TRIM62: variants seen among roughly 807,000 people sequenced by gnomAD.
TRIM62 encodes the protein E3 ubiquitin-protein ligase TRIM62.
Under a neutral mutation model 44.2 loss-of-function variants are expected in TRIM62, and 39 were observed. That is an observed-to-expected ratio of 0.88 (90% CI 0.68 to 1.15). The LOEUF (loss-of-function observed/expected upper bound fraction) is 1.15. Among genes scored for constraint, TRIM62 ranks in the 50% most tolerant of loss-of-function variants. The pLI is 0.00. For missense variants in TRIM62, 544 were observed against 665.5 expected, an observed-to-expected ratio of 0.82 and a Z score of 2.01; for synonymous variants, 278 against 292.3, an observed-to-expected ratio of 0.95 and a Z score of 0.50.
At chr1:33,152,917 A>G (rs1011434823) in intron 4 of TRIM62, among the ~76,000 whole-genome samples, 1 of 152,046 alleles carries the variant, frequency 6.6e-6, no homozygotes, top group Non-Finnish European at 1.5e-5. Context: ...CCTTGGGACA[A>G]TGGGCTGCCT....
At position 33,168,585 on chromosome 1, in the gene TRIM62, G is replaced by A. The variant is rs747463109; in HGVS notation, c.409-3019C>T. 1.8e-4 allele frequency among the ~76,000 whole-genome samples: 28 copies of A among 152,198 alleles called. No individual in the cohort carries two copies. In the South Asian group the frequency reaches 1.9e-3, roughly 10 times the overall value. On this transcript the variant is annotated intron_variant, in intron 1 of 4. Coordinates refer to ENST00000291416, the MANE Select transcript of TRIM62 (RefSeq NM_018207.3). The stretch of plus-strand genomic sequence containing the variant: ...TTTCCTAGAGACTTGTCTTACATGA[G>A]AGAGAAACGCACCCCATCTGACTGC...
rs1161556069 is a variant in TRIM62, at chr1:33,145,883, T to G, written c.*1294A>C. The G allele has an allele frequency of 4.2e-6, 2 of 471,058 alleles. No individual in the cohort carries two copies. Among genetic ancestry groups the G allele is most frequent in the East Asian group, 6.9e-5 (1 of 14,402 alleles). The allele number at this position is 471,058 out of a possible 1,614,324, so 29.2% of individuals were successfully genotyped here. A position where few individuals can be genotyped will look rare whatever the true frequency, so the allele number is the denominator to read the frequency against. ...TCTAGGGAAATGACATTTCCCAGACTCCCTTGCAGCCAAGGTTCTGGATCT... is the reference window on the plus strand; with the variant it reads ...TCTAGGGAAATGACATTTCCCAGACGCCCTTGCAGCCAAGGTTCTGGATCT... On this transcript the variant is annotated 3_prime_UTR_variant, in exon 5 of 5. Coordinates refer to ENST00000291416, the MANE Select transcript of TRIM62 (RefSeq NM_018207.3).
In TRIM62 at chr1:33,159,545, T is replaced by C; in HGVS notation, c.761+143A>G. The C allele has an allele frequency of 1.6e-6, 2 of 1,240,864 alleles. No individual in the cohort carries two copies. The highest frequency in any genetic ancestry group is 1.1e-6 in the Non-Finnish European group (1 of 919,496). The allele number at this position is 1,240,864 out of a possible 1,614,324, so 76.9% of individuals were successfully genotyped here. ...ACTCAAGGCTTCATGCTCCTACCCATAGCAGATGTCCCGTAAATGTTTGAT... is the reference window on the plus strand; with the variant it reads ...ACTCAAGGCTTCATGCTCCTACCCACAGCAGATGTCCCGTAAATGTTTGAT... On this transcript the variant is annotated intron_variant, in intron 3 of 4. Transcript: ENST00000291416. This position sits in a 1 kb window ranked among gnomAD's most constrained non-coding sequence, Gnocchi z 4.2.
At chr1:33,157,385 T>G (rs1448081405) in intron 4 of TRIM62, among the ~76,000 whole-genome samples, 2 of 152,152 alleles carry the variant, frequency 1.3e-5, no homozygotes, top group Non-Finnish European at 2.9e-5. Context: ...CCTACGTGGC[T>G]CACTCTTCTT....
At position 33,165,445 on chromosome 1, in the gene TRIM62, C is replaced by T; in HGVS notation, c.504+26G>A. 5 of 1,558,274 alleles carry T rather than the reference C, an allele frequency of 3.2e-6. No individual in the cohort carries two copies. The highest frequency in any genetic ancestry group is 4.3e-6 in the Non-Finnish European group (5 of 1,149,964). ...GCCCTGCCCTCATCTCTGCCGGCCC[C>T]ACCTCCGCGCCCCGGCCAGGCTCAC... On this transcript the variant is annotated intron_variant, in intron 2 of 4. Coordinates refer to ENST00000291416, the MANE Select transcript of TRIM62 (RefSeq NM_018207.3). This position sits in a 1 kb window ranked among gnomAD's most constrained non-coding sequence, Gnocchi z 4.0.
At chr1:33,156,023 C>A (rs576186848) in intron 4 of TRIM62, among the ~76,000 whole-genome samples, 1 of 152,220 alleles carries the variant, frequency 6.6e-6, no homozygotes, top group Non-Finnish European at 1.5e-5. Flanking sequence ...GCCCCACTGG[C>A]TTTGGTGCCC....
chr1:33,174,945 GTATATATATATA>G (rs72310095), intron 1 of TRIM62, among the ~76,000 whole-genome samples: 2 of 141,728 alleles, frequency 1.4e-5, no homozygotes, highest in Non-Finnish European at 3.0e-5. Flanking sequence ...ATATATGTGT[GTATATATATATA>G]TATATATATA....
At chr1:33,179,306 G>T (rs886394522) in intron 1 of TRIM62, among the ~76,000 whole-genome samples, 1 of 152,190 alleles carries the variant, frequency 6.6e-6, no homozygotes. Flanking sequence ...AGACTGGAAG[G>T]GAGTCAGTTG....
At chr1:33,160,437 T>G (rs1007481437) in intron 2 of TRIM62, among the ~76,000 whole-genome samples, 4 of 151,990 alleles carry the variant, frequency 2.6e-5, no homozygotes, top group South Asian at 2.1e-4. Flanking sequence ...GGAGTTTTGC[T>G]CCTGTCACCC....
chr1:33,166,884 A>G (rs1305384807), intron 1 of TRIM62, among the ~76,000 whole-genome samples: 1 of 152,200 alleles, frequency 6.6e-6, no homozygotes, highest in Non-Finnish European at 1.5e-5. Context: ...AATTTTGTTC[A>G]TCGTGGGTTT....
intron 4 of TRIM62, among the ~76,000 whole-genome samples, chr1:33,154,345 G>A (rs1297527057): frequency 6.6e-6 from 1 of 152,182 alleles, no homozygotes; most frequent in Non-Finnish European, 1.5e-5. Context: ...GCTGCCACCT[G>A]CTCCATGTCT....
intron 1 of TRIM62, chr1:33,176,298 G>A (rs1645418395): frequency 3.5e-6 from 2 of 578,866 alleles, no homozygotes; most frequent in East Asian, 2.9e-5. Context: ...GTAAGAGGGT[G>A]TCACCCCCTC....
Position 33,181,627 on chromosome 1 carries a change from C to T in TRIM62, c.-195G>A. On this transcript the variant is annotated 5_prime_UTR_variant, in exon 1 of 5. Coordinates refer to ENST00000291416, the MANE Select transcript of TRIM62 (RefSeq NM_018207.3). The surrounding 1 kb of genome is among the most constrained non-coding windows in gnomAD (Gnocchi z 6.5). ...AGGAAGGGGTGCGCGGCTGAGACTCCGTGGGACGCCAGCCCGGGAGGGCAG... is the reference window on the plus strand; with the variant it reads ...AGGAAGGGGTGCGCGGCTGAGACTCTGTGGGACGCCAGCCCGGGAGGGCAG... 2 of 1,026,950 alleles carry T rather than the reference C, an allele frequency of 1.9e-6. No homozygotes were observed. Among genetic ancestry groups the T allele is most frequent in the Non-Finnish European group, 2.7e-6 (2 of 744,204 alleles). 63.6% of individuals were successfully genotyped at this position (1,026,950 alleles called of 1,614,324 possible).
In TRIM62 at chr1:33,147,204, C is replaced by T. The variant is rs772577078; in HGVS notation, c.1401G>A (p.Pro467=). ...AGATGCGGACGGTGTTGATCCGCAG[C>T]GGCTGAACGTTCTTGCCATTGGCGT... The part of the protein sequence containing the change: ...QSHANGKNVQ[P]LRINTVRI The change falls in exon 5 of 5, where the codon CCG becomes CCA. Residue 467 remains proline, a synonymous_variant. Coordinates refer to ENST00000291416, the MANE Select transcript of TRIM62 (RefSeq NM_018207.3). This position sits in a 1 kb window ranked among gnomAD's most constrained non-coding sequence, Gnocchi z 8.1. 3.3e-5 allele frequency: 54 copies of T among 1,613,622 alleles called. No homozygotes were observed. The highest frequency in any genetic ancestry group is 6.7e-5 in the Admixed American group (4 of 59,992).
At position 33,167,163 on chromosome 1, in the gene TRIM62, C is replaced by T. The variant is rs1271111057; in HGVS notation, c.409-1597G>A. Among the ~76,000 whole-genome samples the T allele has an allele frequency of 6.6e-6, 1 of 152,212 alleles. No homozygotes were observed. The highest frequency in any genetic ancestry group is 1.9e-4 in the East Asian group (1 of 5,192). ...ACCATTAATTTAACTCAGATGCCAC[C>T]TCCTTGAAGAGTCTTGCCTGACCGC... On this transcript the variant is annotated intron_variant, in intron 1 of 4. Transcript: ENST00000291416. The surrounding 1 kb of genome is among the most constrained non-coding windows in gnomAD (Gnocchi z 4.2).
chr1:33,172,034 G>A (rs529421302), intron 1 of TRIM62, among the ~76,000 whole-genome samples: 87 of 152,192 alleles, frequency 5.7e-4, no homozygotes, highest in Non-Finnish European at 5.9e-4. Context: ...TGCCTACCTT[G>A]GCCTCCCAAA....
At chr1:33,153,617 G>A (rs1251674998) in intron 4 of TRIM62, among the ~76,000 whole-genome samples, 2 of 152,170 alleles carry the variant, frequency 1.3e-5, no homozygotes, top group African/African-American at 2.4e-5. Flanking sequence ...CCTGCACTGG[G>A]GTGATGGCAA....
intron 2 of TRIM62, 121 bp from the exon 3 acceptor site, chr1:33,160,065 G>T: frequency 7.7e-7 from 1 of 1,299,470 alleles, no homozygotes; most frequent in Non-Finnish European, 1.1e-6. Flanking sequence ...GGCACGCGTG[G>T]TGGGGGAAAT....
intron 1 of TRIM62, among the ~76,000 whole-genome samples, chr1:33,180,764 G>T (rs1378492202): frequency 6.6e-6 from 1 of 152,078 alleles, no homozygotes; most frequent in Non-Finnish European, 1.5e-5. Context: ...CCCTAACCGC[G>T]GACCAGCCGG....
Sources: gnomAD v4.1 joint callset for allele counts (sites outside exome capture counted in the v4.1 genomes callset) on GRCh38, gnomAD v4.1.1 for gene constraint, Gnocchi (gnomAD v3.1) non-coding constraint, MANE v1.5 for transcripts, NCBI Gene and HGNC (gene_info 2026-07-23, HGNC 2026-07-21) for gene names.